The following CELF2 variants were observed in gnomAD, a reference collection of about 807,000 sequenced individuals.
CELF2 encodes CUGBP Elav-like family member 2.
In CELF2, 8 loss-of-function variants were observed where a neutral mutation model predicts 62.6. The ratio of observed to expected loss-of-function variants is 0.13; its 90% CI spans 0.07 to 0.23. The LOEUF is 0.23. CELF2 is among the 10% of genes least tolerant of loss of function. CELF2 has a pLI of 1.00. For missense variants in CELF2, 333 were observed against 671.0 expected, an observed-to-expected ratio of 0.50 and a Z score of 5.56; for synonymous variants, 258 against 250.0, an observed-to-expected ratio of 1.03 and a Z score of -0.30.
intron 3 of CELF2, among the ~76,000 whole-genome samples, chr10:11,235,485 C>A (rs544885284): frequency 3.3e-5 from 5 of 152,312 alleles, no homozygotes; most frequent in African/African-American, 1.2e-4. Flanking sequence ...GTCATAATTT[C>A]TCTAAGCTCT....
At chr10:11,160,476 T>C (rs911344301) in intron 1 of CELF2, among the ~76,000 whole-genome samples, 5 of 152,082 alleles carry the variant, frequency 3.3e-5, no homozygotes, top group African/African-American at 1.2e-4. Context: ...AAAGGACAAG[T>C]ATATTTGCAT....
the CELF2 span, among the ~76,000 whole-genome samples, chr10:10,588,202 A>G: frequency 6.6e-6 from 1 of 152,110 alleles, no homozygotes; most frequent in African/African-American, 2.4e-5. Flanking sequence ...CCCAAATCCC[A>G]GGGCAGCTTG....
chr10:10,646,669 A>G, the CELF2 span, among the ~76,000 whole-genome samples: 1 of 152,202 alleles, frequency 6.6e-6, no homozygotes, highest in Non-Finnish European at 1.5e-5. Flanking sequence ...GTTTTGTTTC[A>G]TGGAATATTT....
At chr10:10,844,182 C>A (rs907233763) in intron 1 of CELF2, among the ~76,000 whole-genome samples, 3 of 151,940 alleles carry the variant, frequency 2.0e-5, no homozygotes, top group African/African-American at 7.2e-5. Flanking sequence ...TAATTTGTGA[C>A]CTCTGACCAA....
At chr10:11,163,123 A>T (rs1297706273) in intron 1 of CELF2, among the ~76,000 whole-genome samples, 2 of 152,236 alleles carry the variant, frequency 1.3e-5, no homozygotes, top group Non-Finnish European at 2.9e-5. Flanking sequence ...TATTTTTCGA[A>T]AAAGAGTAAA....
chr10:10,736,963 G>C, the CELF2 span, among the ~76,000 whole-genome samples: 1 of 152,110 alleles, frequency 6.6e-6, no homozygotes, highest in African/African-American at 2.4e-5. Flanking sequence ...AGCAGGATGA[G>C]CTGGCCCTAT....
chr10:10,844,393 A>G (rs7907768), intron 1 of CELF2, among the ~76,000 whole-genome samples: 2,362 of 152,192 alleles, frequency 0.016, 76 homozygotes, highest in African/African-American at 0.054. Context: ...TTCTGGCCAA[A>G]ACAGTGATTC....
At chr10:10,466,831 T>C in the CELF2 span, among the ~76,000 whole-genome samples, 3 of 152,066 alleles carry the variant, frequency 2.0e-5, no homozygotes, top group African/African-American at 7.2e-5. Context: ...CATGAACACA[T>C]TGGCTTATGG....
Position 11,275,059 on chromosome 10 carries a change from C to T in CELF2, c.780C>T (p.Leu260=). ...TGCCCTTGTGTGTTCATCCGCAGCTCCTGCAGCAGGCCACCTCCTCCAGCA... is the reference window on the plus strand; with the variant it reads ...TGCCCTTGTGTGTTCATCCGCAGCTTCTGCAGCAGGCCACCTCCTCCAGCA... ...LGGLTPQYLA[L]LQQATSSSNL... The change falls in exon 8 of 13, where the codon CTC becomes CTT. Residue 260 remains leucine (L), a splice_region_variant and synonymous_variant. Transcript: ENST00000633077. 6.2e-7 allele frequency: 1 copy of T among 1,614,170 alleles called. No individual in the cohort carries two copies. The highest frequency in any genetic ancestry group is 8.5e-7 in the Non-Finnish European group (1 of 1,180,020).
At chr10:10,833,201 T>C (rs2058019188) in intron 1 of CELF2, among the ~76,000 whole-genome samples, 1 of 152,242 alleles carries the variant, frequency 6.6e-6, no homozygotes, top group Non-Finnish European at 1.5e-5. Context: ...CCAAAGAGCT[T>C]TAAGCCCTGT....
rs781023945 is a variant in CELF2, at chr10:10,928,104, C to A, written c.89+8105C>A. Among the ~76,000 whole-genome samples, 2 of 152,114 alleles carry A rather than the reference C, an allele frequency of 1.3e-5. No individual in the cohort carries two copies. The highest frequency in any genetic ancestry group is 2.4e-5 in the African/African-American group (1 of 41,430). On this transcript the variant is annotated intron_variant, in intron 2 of 13. Coordinates refer to the CELF2 transcript ENST00000636488. The surrounding 1 kb of genome is among the most constrained non-coding windows in gnomAD (Gnocchi z 4.8). ...CTCCTTTCACCACCCTATTAAGTAA[C>A]CCCCCAACACACTTCCTATCACATC...
the CELF2 span, among the ~76,000 whole-genome samples, chr10:10,507,739 T>G: frequency 2.5e-5 from 2 of 80,594 alleles, no homozygotes; most frequent in African/African-American, 5.7e-5. Context: ...TGTTTTTGAA[T>G]TCAATTTTCC....
intron 2 of CELF2, among the ~76,000 whole-genome samples, chr10:10,941,669 G>A (rs1035358865): frequency 6.6e-5 from 10 of 152,134 alleles, no homozygotes; most frequent in South Asian, 6.2e-4. Context: ...AAGGATATGC[G>A]TGTTACTTTC....
At chr10:10,567,387 G>A in the CELF2 span, among the ~76,000 whole-genome samples, 9 of 152,236 alleles carry the variant, frequency 5.9e-5, no homozygotes, top group East Asian at 1.4e-3. Flanking sequence ...GGTTCCCTGG[G>A]GAAGCTAGCT....
the CELF2 span, among the ~76,000 whole-genome samples, chr10:10,464,039 G>A: frequency 7.3e-5 from 11 of 151,364 alleles, no homozygotes; most frequent in East Asian, 2.0e-3. Context: ...TCCATACGCT[G>A]GTAACATTTG....
Position 11,191,246 on chromosome 10 carries a change from G to A in CELF2, c.271+25564G>A. On this transcript the variant is annotated intron_variant, in intron 2 of 12. Coordinates refer to ENST00000633077, the MANE Select transcript of CELF2 (RefSeq NM_001326342.2). This position sits in a 1 kb window ranked among gnomAD's most constrained non-coding sequence, Gnocchi z 4.1. The stretch of plus-strand genomic sequence containing the variant: ...TTACAGAGAGGCTTCCTACTTAGAT[G>A]GTTCTCTCTAGCTATGGGGCTTGGA... Among the ~76,000 whole-genome samples, 1 of 152,280 alleles carries A rather than the reference G, an allele frequency of 6.6e-6. No individual in the cohort carries two copies. Among genetic ancestry groups the A allele is most frequent in the East Asian group, 1.9e-4 (1 of 5,182 alleles).
the CELF2 span, among the ~76,000 whole-genome samples, chr10:10,762,510 A>G: frequency 6.6e-6 from 1 of 152,182 alleles, no homozygotes; most frequent in African/African-American, 2.4e-5. Context: ...GGGTCCTGGA[A>G]GGGGAGTCAC....
At position 11,321,691 on chromosome 10, in the gene CELF2, C is replaced by G. The variant is rs1433657216; in HGVS notation, c.1294+305C>G. Among the ~76,000 whole-genome samples the G allele has an allele frequency of 1.3e-5, 2 of 152,078 alleles. No individual in the cohort carries two copies. Among genetic ancestry groups the G allele is most frequent in the East Asian group, 1.9e-4 (1 of 5,190 alleles). On this transcript the variant is annotated intron_variant, in intron 11 of 12. Coordinates refer to ENST00000633077, the MANE Select transcript of CELF2 (RefSeq NM_001326342.2). This position sits in a 1 kb window ranked among gnomAD's most constrained non-coding sequence, Gnocchi z 6.2. ...ATTCGGGGAACACAGACATACCCCT[C>G]TCTCTCAAACAAAAGCAAAAACCTA...
At chr10:11,127,243 A>G (rs1319524953) in intron 1 of CELF2, among the ~76,000 whole-genome samples, 1 of 152,168 alleles carries the variant, frequency 6.6e-6, no homozygotes, top group African/African-American at 2.4e-5. Flanking sequence ...TTATGGCTGC[A>G]TAGTATTCCA....
Sources: allele counts gnomAD v4.1 joint callset (sites outside exome capture counted in the v4.1 genomes callset), GRCh38; gene constraint gnomAD v4.1.1; non-coding constraint Gnocchi (gnomAD v3.1); transcripts MANE v1.5; gene names NCBI Gene and HGNC (gene_info 2026-07-23, HGNC 2026-07-21).